SLC25A16: variants seen among roughly 807,000 people sequenced by gnomAD.
SLC25A16 encodes mitochondrial coenzyme A transporter SLC25A16.
In SLC25A16, 39 loss-of-function variants were observed where a neutral mutation model predicts 41.5. The observed-to-expected ratio is 0.94, with a 90% confidence interval of 0.73 to 1.23. The LOEUF (loss-of-function observed/expected upper bound fraction) is 1.23, where lower values mean the gene tolerates loss of function less well. Ranked by LOEUF, SLC25A16 falls within the 50% of genes most tolerant of loss-of-function variation. The pLI, the probability that SLC25A16 is intolerant of heterozygous loss-of-function variation, is 0.00. For missense variants in SLC25A16, 421 were observed against 426.9 expected (o/e 0.99, Z 0.12); for synonymous variants, 146 against 147.8 (o/e 0.99, Z 0.09).
chr10:68,516,627 G>T, intron 2 of SLC25A16, 124 bp downstream of exon 2: 2 of 566,150 alleles, frequency 3.5e-6, no homozygotes, highest in Non-Finnish European at 6.1e-6. Flanking sequence ...TAATTAAATG[G>T]GGAAAAAAGT....
intron 6 of SLC25A16, among the ~76,000 whole-genome samples, chr10:68,490,344 CTT>C (rs759118592): frequency 2.7e-4 from 38 of 139,726 alleles, no homozygotes; most frequent in Non-Finnish European, 3.6e-4. Flanking sequence ...AAAGAAGAGA[CTT>C]TTTTTTTTTT....
At chr10:68,496,611 A>C in intron 4 of SLC25A16, 4 of 983,620 alleles carry the variant, frequency 4.1e-6, no homozygotes, top group Non-Finnish European at 4.8e-6. Context: ...CAAGAAACTA[A>C]GGACATAAAG....
intron 2 of SLC25A16, among the ~76,000 whole-genome samples, chr10:68,512,419 C>T (rs1046895370): frequency 7.8e-5 from 7 of 89,544 alleles, no homozygotes; most frequent in Admixed American, 1.2e-4. Context: ...GGGCGGATCA[C>T]GAGGTCAGGA....
At chr10:68,496,644 T>G (rs2052753635) in intron 4 of SLC25A16, 1 of 980,516 alleles carries the variant, frequency 1.0e-6, no homozygotes, top group African/African-American at 1.7e-5. Context: ...AAAGTCAGAC[T>G]TTTTTCTCTA....
chr10:68,487,143 C>T lies in SLC25A16; in HGVS notation c.842+1G>A, dbSNP rs1182706644. 6.2e-7 allele frequency: 1 copy of T among 1,610,178 alleles called. No homozygotes were observed. The highest frequency in any genetic ancestry group is 1.7e-5 in the Admixed American group (1 of 59,966). On this transcript the variant is annotated splice_donor_variant, in intron 8 of 8. Transcript: ENST00000609923. LOFTEE classifies it high-confidence loss of function. Reference sequence around the variant, plus strand: ...TGAACAATGACATATGATGAACTTACAGGCACTTTTCAAATTCCGGCAGAA... The same window carrying T: ...TGAACAATGACATATGATGAACTTATAGGCACTTTTCAAATTCCGGCAGAA...
intron 2 of SLC25A16, among the ~76,000 whole-genome samples, chr10:68,516,327 G>A (rs2053160775): frequency 6.6e-6 from 1 of 151,922 alleles, no homozygotes; most frequent in Non-Finnish European, 1.5e-5. Flanking sequence ...TAGCAACTTA[G>A]AACTTTTTAA....
chr10:68,493,322 G>A (rs2052693069), intron 5 of SLC25A16, 124 bp from the exon 6 acceptor site: 1 of 1,130,456 alleles, frequency 8.8e-7, no homozygotes, highest in South Asian at 1.4e-5. Flanking sequence ...ACAAAGATGT[G>A]TTTTCGTAAT....
intron 2 of SLC25A16, among the ~76,000 whole-genome samples, chr10:68,508,621 G>C (rs1405531290): frequency 1.3e-5 from 2 of 151,710 alleles, no homozygotes; most frequent in East Asian, 3.9e-4. Flanking sequence ...GGAAGGCTGA[G>C]GCAGGAGAAT....
At chr10:68,510,904 A>G (rs1564923924) in intron 2 of SLC25A16, among the ~76,000 whole-genome samples, 1 of 152,104 alleles carries the variant, frequency 6.6e-6, no homozygotes, top group African/African-American at 2.4e-5. Flanking sequence ...ACCTACAAAA[A>G]GTGGGGAGGT....
intron 4 of SLC25A16, among the ~76,000 whole-genome samples, chr10:68,497,605 C>CTT (rs5785865): frequency 5.8e-4 from 80 of 138,498 alleles, no homozygotes; most frequent in African/African-American, 1.4e-3. Flanking sequence ...CTTCTAACAT[C>CTT]TTTTTTTTTT....
At chr10:68,506,488 G>A in intron 3 of SLC25A16, 97 bp downstream of exon 3, 1 of 787,616 alleles carries the variant, frequency 1.3e-6, no homozygotes. Flanking sequence ...TTAAAAATAT[G>A]AAACTTTTAC....
In SLC25A16 at chr10:68,481,462, G is replaced by A. The variant is rs2052482805; in HGVS notation, c.*1970C>T. The A allele has an allele frequency of 6.6e-6, 1 of 152,046 alleles. No homozygotes were observed. Among genetic ancestry groups the A allele is most frequent in the African/African-American group, 2.4e-5 (1 of 41,410 alleles). The allele number at this position is 152,046 out of a possible 1,614,324, so 9.4% of individuals were successfully genotyped here. ...AAGCAAAAATAACACTTTCAACTTA[G>A]TTTTCCTTCTTTTGTTTGAAAGAAA... is the stretch of plus-strand genomic sequence containing the variant. On this transcript the variant is annotated 3_prime_UTR_variant, in exon 9 of 9. Transcript: ENST00000609923.
intron 2 of SLC25A16, among the ~76,000 whole-genome samples, chr10:68,509,370 T>C (rs907779718): frequency 8.6e-5 from 13 of 151,416 alleles, no homozygotes; most frequent in Non-Finnish European, 1.5e-4. Context: ...CAAGGAGAAA[T>C]TTTTAAATAT....
intron 1 of SLC25A16, among the ~76,000 whole-genome samples, chr10:68,519,029 C>T (rs1473155703): frequency 1.3e-5 from 2 of 150,538 alleles, no homozygotes; most frequent in African/African-American, 2.4e-5. Context: ...CCTGTCTCTA[C>T]TAAAAATACA....
Position 68,480,405 on chromosome 10 carries a change from C to T in SLC25A16, c.*3027G>A, listed in dbSNP as rs1287360043. ...ATGGATAAAATTTATTTTTAATATC[C>T]TCTGTATTCTATAACATATAGAATG... On this transcript the variant is annotated 3_prime_UTR_variant, in exon 9 of 9. Transcript: ENST00000609923. The T allele has an allele frequency of 6.6e-6, 1 of 151,386 alleles. No homozygotes were observed. Among genetic ancestry groups the T allele is most frequent in the Non-Finnish European group, 1.5e-5 (1 of 67,952 alleles). 9.4% of individuals were successfully genotyped at this position (151,386 alleles called of 1,614,324 possible).
intron 4 of SLC25A16, among the ~76,000 whole-genome samples, chr10:68,502,697 A>G (rs1185131588): frequency 7.2e-6 from 1 of 139,212 alleles, no homozygotes; most frequent in Non-Finnish European, 1.5e-5. Flanking sequence ...ACGCCACTGC[A>G]CTCCAAGTCT....
intron 8 of SLC25A16, among the ~76,000 whole-genome samples, chr10:68,486,435 T>G (rs920987273): frequency 5.4e-4 from 81 of 151,190 alleles, no homozygotes; most frequent in Non-Finnish European, 2.4e-4. Context: ...TTTGTTTTTG[T>G]TTTTTTTATT....
chr10:68,497,131 G>A (rs868530271), intron 4 of SLC25A16, among the ~76,000 whole-genome samples: 8 of 152,184 alleles, frequency 5.3e-5, no homozygotes, highest in South Asian at 2.1e-4. Flanking sequence ...CAATGAATAC[G>A]GAAGTGGATT....
intron 5 of SLC25A16, 69 bp downstream of exon 5, chr10:68,493,380 A>G: frequency 7.4e-7 from 1 of 1,347,078 alleles, no homozygotes; most frequent in South Asian, 1.2e-5. Context: ...AATTACTTAT[A>G]TGACATTCAA....
Sources: gnomAD v4.1 joint callset for allele counts (sites outside exome capture counted in the v4.1 genomes callset) on GRCh38, gnomAD v4.1.1 for gene constraint, MANE v1.5 for transcripts, NCBI Gene and HGNC (gene_info 2026-07-23, HGNC 2026-07-21) for gene names.